Variants in DPP6 observed in about 807,000 individuals in gnomAD.
DPP6 encodes the protein A-type potassium channel modulatory protein DPP6.
In DPP6, 69 loss-of-function variants were observed where a neutral mutation model predicts 122.6. The ratio of observed to expected loss-of-function variants is 0.56; its 90% CI spans 0.46 to 0.69. DPP6 has a LOEUF of 0.69. Ranked by LOEUF, DPP6 falls within the 30% of genes least tolerant of loss-of-function variation. The probability of loss-of-function intolerance (pLI) is 0.00; values close to 1 mark genes in which losing one functional copy is unlikely to be tolerated. For missense variants in DPP6, 928 were observed against 1,116.9 expected, an observed-to-expected ratio of 0.83 and a Z score of 2.41; for synonymous variants, 418 against 433.1, an observed-to-expected ratio of 0.97 and a Z score of 0.43.
At chr7:153,904,331 C>T (rs187727488) in intron 1 of DPP6, among the ~76,000 whole-genome samples, 4 of 152,306 alleles carry the variant, frequency 2.6e-5, no homozygotes, top group Admixed American at 2.0e-4. Context: ...GGATTACAGG[C>T]GTGAGTCACC....
chr7:154,091,711 C>T (rs1385082820), intron 1 of DPP6, among the ~76,000 whole-genome samples: 3 of 152,150 alleles, frequency 2.0e-5, no homozygotes, highest in South Asian at 4.1e-4. Flanking sequence ...CTCCTCTTCC[C>T]CCCCTCACCA....
chr7:154,841,076 A>C (rs995932973), intron 16 of DPP6, among the ~76,000 whole-genome samples: 18 of 152,208 alleles, frequency 1.2e-4, no homozygotes, highest in African/African-American at 4.1e-4. Context: ...AATTGCTCGG[A>C]TCGAAAGTCA....
chr7:154,177,616 T>A (rs1204913631), intron 1 of DPP6, among the ~76,000 whole-genome samples: 1 of 152,144 alleles, frequency 6.6e-6, no homozygotes, highest in African/African-American at 2.4e-5. Flanking sequence ...GCTAACGATG[T>A]CCCCCAGAAG....
chr7:154,817,001 G>A (rs180769150), intron 16 of DPP6, among the ~76,000 whole-genome samples: 196 of 152,276 alleles, frequency 1.3e-3, no homozygotes, highest in Non-Finnish European at 1.9e-3. Flanking sequence ...GCACCTGCCC[G>A]TTCCTTCTGC....
At chr7:154,658,052 G>A (rs1024415514) in intron 6 of DPP6, among the ~76,000 whole-genome samples, 6 of 152,186 alleles carry the variant, frequency 3.9e-5, no homozygotes, top group African/African-American at 7.2e-5. Context: ...TGAATCGGCC[G>A]AGCACACAGA....
the DPP6 span, among the ~76,000 whole-genome samples, chr7:153,830,419 G>A: frequency 6.6e-6 from 1 of 152,162 alleles, no homozygotes; most frequent in African/African-American, 2.4e-5. Flanking sequence ...TTAAAAAAAT[G>A]AAACAGTGAT....
At chr7:154,228,676 T>C (rs977157307) in intron 1 of DPP6, among the ~76,000 whole-genome samples, 2 of 151,956 alleles carry the variant, frequency 1.3e-5, no homozygotes, top group African/African-American at 4.8e-5. Flanking sequence ...TTTAATAATA[T>C]ATATAAGGGA....
chr7:153,978,051 T>C (rs954824797), intron 1 of DPP6, among the ~76,000 whole-genome samples: 1 of 152,218 alleles, frequency 6.6e-6, no homozygotes, highest in Admixed American at 6.5e-5. Flanking sequence ...TGATTTATAA[T>C]CCTTTGGGTA....
chr7:154,293,942 T>C (rs1805368614), intron 1 of DPP6, among the ~76,000 whole-genome samples: 1 of 152,192 alleles, frequency 6.6e-6, no homozygotes, highest in Non-Finnish European at 1.5e-5. Flanking sequence ...GAATAAGACC[T>C]TCCCTTACGG....
chr7:154,381,945 C>T (rs1162725820), intron 1 of DPP6, among the ~76,000 whole-genome samples: 1 of 152,126 alleles, frequency 6.6e-6, no homozygotes, highest in African/African-American at 2.4e-5. Context: ...CATGGGATGA[C>T]ACAGAGAGGC....
At chr7:153,998,797 A>C (rs897261535) in intron 1 of DPP6, among the ~76,000 whole-genome samples, 1 of 152,258 alleles carries the variant, frequency 6.6e-6, no homozygotes, top group Non-Finnish European at 1.5e-5. Flanking sequence ...CTGTGAAGAC[A>C]TGAGTCTATG....
At chr7:154,262,251 CATATGTTGAAGAGCTA>C (rs1005560406) in intron 1 of DPP6, among the ~76,000 whole-genome samples, 2 of 152,132 alleles carry the variant, frequency 1.3e-5, no homozygotes, top group African/African-American at 4.8e-5. Flanking sequence ...ACCCCAGATT[CATATGTTGAAGAGCTA>C]ATTGGTTGTG....
chr7:154,334,257 C>T (rs10269715), intron 1 of DPP6, among the ~76,000 whole-genome samples: 4,481 of 151,780 alleles, frequency 0.03, 215 homozygotes, highest in African/African-American at 0.096. Flanking sequence ...CTAAGGATGC[C>T]GGCTGCTCTG....
chr7:154,476,422 G>A (rs769086559), intron 3 of DPP6, among the ~76,000 whole-genome samples: 17 of 152,184 alleles, frequency 1.1e-4, no homozygotes, highest in Non-Finnish European at 1.9e-4. Context: ...GTGTACACCC[G>A]CTGCATCAGC....
intron 5 of DPP6, among the ~76,000 whole-genome samples, chr7:154,604,340 T>C (rs972430120): frequency 8.3e-6 from 1 of 120,806 alleles, no homozygotes; most frequent in Non-Finnish European, 1.9e-5. Context: ...GACAAATCTT[T>C]GCACCTGATA....
At chr7:154,787,820 A>G (rs1229050837) in intron 10 of DPP6, among the ~76,000 whole-genome samples, 5 of 152,154 alleles carry the variant, frequency 3.3e-5, no homozygotes, top group African/African-American at 9.7e-5. Flanking sequence ...AAACTTTACC[A>G]TGTCTTTTCT....
chr7:154,886,320 G>C (rs116002098), intron 22 of DPP6, among the ~76,000 whole-genome samples: 1,837 of 152,352 alleles, frequency 0.012, 32 homozygotes, highest in African/African-American at 0.041. Context: ...GGCTCTCCAT[G>C]AGCACAAGGC....
the DPP6 span, among the ~76,000 whole-genome samples, chr7:153,780,581 T>C: frequency 6.6e-6 from 1 of 152,168 alleles, no homozygotes; most frequent in African/African-American, 2.4e-5. Context: ...AAGAACGTAC[T>C]TGGGCAAAGC....
At chr7:154,088,248 C>T (rs1268395221) in intron 1 of DPP6, among the ~76,000 whole-genome samples, 1 of 151,730 alleles carries the variant, frequency 6.6e-6, no homozygotes, top group African/African-American at 2.4e-5. Context: ...AATATCCCCA[C>T]TTCTGGCCCA....
Sources: allele counts gnomAD v4.1 joint callset (sites outside exome capture counted in the v4.1 genomes callset), GRCh38; gene constraint gnomAD v4.1.1; transcripts MANE v1.5; gene names NCBI Gene and HGNC (gene_info 2026-07-23, HGNC 2026-07-21).